Variants in BNC2 observed in about 807,000 individuals in gnomAD.
BNC2 encodes zinc finger protein basonuclin-2.
Under a neutral mutation model 76.3 loss-of-function variants are expected in BNC2, and 20 were observed. The ratio of observed to expected loss-of-function variants is 0.26; its 90% CI spans 0.18 to 0.38. The LOEUF is 0.38. Among genes scored for constraint, BNC2 ranks in the 10% least tolerant of loss-of-function variants. BNC2 has a pLI of 1.00. For synonymous variants in BNC2, 582 were observed against 514.8 expected, an observed-to-expected ratio of 1.13 and a Z score of -1.77; for missense variants, 1,382 against 1,399.8, an observed-to-expected ratio of 0.99 and a Z score of 0.20.
intron 3 of BNC2, among the ~76,000 whole-genome samples, chr9:16,621,589 T>C (rs1454141243): frequency 6.6e-6 from 1 of 152,196 alleles, no homozygotes; most frequent in Non-Finnish European, 1.5e-5. Flanking sequence ...CCAGGTCTCC[T>C]AAATTAACCA....
chr9:16,475,752 C>T (rs1051880160), intron 5 of BNC2, among the ~76,000 whole-genome samples: 1 of 152,260 alleles, frequency 6.6e-6, no homozygotes, highest in African/African-American at 2.4e-5. Flanking sequence ...GAAGGAGCAG[C>T]TGCTCAAAGA....
At chr9:16,754,784 C>G (rs1027002428) in intron 1 of BNC2, among the ~76,000 whole-genome samples, 2 of 152,156 alleles carry the variant, frequency 1.3e-5, no homozygotes, top group African/African-American at 4.8e-5. Context: ...TCTCGAACTC[C>G]TCACCTCAGG....
chr9:16,752,236 C>T (rs916430332), intron 1 of BNC2, among the ~76,000 whole-genome samples: 7 of 152,088 alleles, frequency 4.6e-5, no homozygotes, highest in African/African-American at 1.7e-4. Context: ...TTTACCAGTG[C>T]TTGAACATAA....
At chr9:16,771,980 T>C (rs73646246) in intron 1 of BNC2, among the ~76,000 whole-genome samples, 3,748 of 152,340 alleles carry the variant, frequency 0.025, 145 homozygotes, top group African/African-American at 0.085. Context: ...TTTAAATCCC[T>C]GTTGCATTAT....
chr9:16,641,287 T>C (rs1455495354), intron 3 of BNC2, among the ~76,000 whole-genome samples: 1 of 152,158 alleles, frequency 6.6e-6, no homozygotes, highest in Non-Finnish European at 1.5e-5. Flanking sequence ...AGTGAGAAGA[T>C]TAAAATAAAA....
At chr9:16,715,913 G>A (rs369283832) in intron 3 of BNC2, among the ~76,000 whole-genome samples, 5 of 152,284 alleles carry the variant, frequency 3.3e-5, no homozygotes, top group African/African-American at 1.2e-4. Flanking sequence ...CAAGTTTACA[G>A]AATATAAGAC....
chr9:16,676,603 A>C (rs4961729), intron 3 of BNC2, among the ~76,000 whole-genome samples: 1 of 152,090 alleles, frequency 6.6e-6, no homozygotes, highest in Non-Finnish European at 1.5e-5. Flanking sequence ...AATGTAGTTA[A>C]GTTCTCAGGC....
chr9:16,675,875 T>G (rs1466248274), intron 3 of BNC2, among the ~76,000 whole-genome samples: 1 of 152,120 alleles, frequency 6.6e-6, no homozygotes, highest in Admixed American at 6.5e-5. Context: ...ATGGTGAATC[T>G]CAGCTACCCA....
intron 1 of BNC2, among the ~76,000 whole-genome samples, chr9:16,746,737 C>CGGAT (rs1825019596): frequency 6.6e-6 from 1 of 151,192 alleles, no homozygotes; most frequent in Admixed American, 6.6e-5. Flanking sequence ...CCGAGGCAGG[C>CGGAT]GGATCATGAG....
chr9:16,795,997 T>C (rs1253043609), intron 1 of BNC2, among the ~76,000 whole-genome samples: 2 of 152,166 alleles, frequency 1.3e-5, no homozygotes, highest in Non-Finnish European at 2.9e-5. Flanking sequence ...TAACCAGAAC[T>C]AAGGCTCAGA....
intron 5 of BNC2, among the ~76,000 whole-genome samples, chr9:16,510,584 C>T (rs1822730709): frequency 6.6e-6 from 1 of 152,172 alleles, no homozygotes; most frequent in Non-Finnish European, 1.5e-5. Flanking sequence ...AAATACAAGA[C>T]CTAAAACTTG....
intron 3 of BNC2, among the ~76,000 whole-genome samples, chr9:16,639,166 G>A (rs780186141): frequency 4.6e-5 from 7 of 152,070 alleles, no homozygotes; most frequent in Non-Finnish European, 1.0e-4. Flanking sequence ...AAAAACAGAA[G>A]TTAATAAAGT....
intron 3 of BNC2, among the ~76,000 whole-genome samples, chr9:16,654,448 T>G (rs1821873013): frequency 6.6e-6 from 1 of 152,174 alleles, no homozygotes; most frequent in Non-Finnish European, 1.5e-5. Flanking sequence ...TATCCTTATC[T>G]AAAATATTTG....
At chr9:16,622,520 A>C (rs59556323) in intron 3 of BNC2, among the ~76,000 whole-genome samples, 9,574 of 152,216 alleles carry the variant, frequency 0.063, 600 homozygotes, top group African/African-American at 0.16. Flanking sequence ...ACTTGATTGC[A>C]ATCCATTTGG....
chr9:16,827,398 C>T (rs1263994947), intron 1 of BNC2, among the ~76,000 whole-genome samples: 1 of 152,164 alleles, frequency 6.6e-6, no homozygotes, highest in African/African-American at 2.4e-5. Flanking sequence ...CAGTGGGACC[C>T]ACTGAACAGG....
chr9:16,479,033 C>T (rs543879746), intron 5 of BNC2, among the ~76,000 whole-genome samples: 1 of 152,220 alleles, frequency 6.6e-6, no homozygotes, highest in African/African-American at 2.4e-5. Context: ...GGGCAGATAA[C>T]CTGAGATCAG....
chr9:16,635,551 G>A (rs1056678598), intron 3 of BNC2, among the ~76,000 whole-genome samples: 1 of 152,040 alleles, frequency 6.6e-6, no homozygotes, highest in African/African-American at 2.4e-5. Context: ...CTATTTTACT[G>A]GAAAGTAACA....
intron 1 of BNC2, among the ~76,000 whole-genome samples, chr9:16,780,550 G>A (rs958169812): frequency 2.7e-5 from 4 of 149,762 alleles, no homozygotes; most frequent in Non-Finnish European, 5.9e-5. Context: ...CCAGCCTGGC[G>A]ACAGGGCAAG....
chr9:16,468,737 G>A (rs1196946005), intron 5 of BNC2, among the ~76,000 whole-genome samples: 1 of 152,082 alleles, frequency 6.6e-6, no homozygotes, highest in Non-Finnish European at 1.5e-5. Context: ...CCAGAAGGTA[G>A]GTACTATTAT....
Sources: allele counts gnomAD v4.1 joint callset (sites outside exome capture counted in the v4.1 genomes callset), GRCh38; gene constraint gnomAD v4.1.1; transcripts MANE v1.5; gene names NCBI Gene and HGNC (gene_info 2026-07-23, HGNC 2026-07-21).